DNPEP: variants seen among roughly 807,000 people sequenced by gnomAD.
DNPEP encodes the protein aspartyl aminopeptidase.
In DNPEP, 46 loss-of-function variants were observed where a neutral mutation model predicts 59.1. That is an observed-to-expected ratio of 0.78 (90% CI 0.61 to 0.99). The LOEUF (loss-of-function observed/expected upper bound fraction) is 0.99. Among genes scored for constraint, DNPEP ranks in the 50% least tolerant of loss-of-function variants. The pLI is 0.00. For missense variants in DNPEP, 617 were observed against 649.9 expected, an observed-to-expected ratio of 0.95 and a Z score of 0.55; for synonymous variants, 229 against 242.2, an observed-to-expected ratio of 0.95 and a Z score of 0.50.
chr2:219,381,799 AG>A, intron 11 of DNPEP, 179 bp downstream of exon 11: 1 of 852,806 alleles, frequency 1.2e-6, no homozygotes, highest in South Asian at 1.6e-5. Flanking sequence ...CACCTGGGTT[AG>A]GCATTGCATG....
In DNPEP at chr2:219,387,098, G is replaced by A. The variant is rs1188348299; in HGVS notation, c.102C>T (p.Phe34=). The part of the protein sequence containing the change: ...VQTAAKELLK[F]VNRSPSPFHA... ...GGAAAGGAGAGGGACTCCGGTTCAC[G>A]AACTTGAGGAGTTCCTTAGCCGCAG... The change falls in exon 2 of 15, where the codon TTC becomes TTT. Residue 34 remains phenylalanine (F), a synonymous_variant. Coordinates refer to ENST00000273075, the MANE Select transcript of DNPEP (RefSeq NM_012100.4). 8 of 1,590,572 alleles carry A rather than the reference G, an allele frequency of 5.0e-6. No individual in the cohort carries two copies. Among genetic ancestry groups the A allele is most frequent in the South Asian group, 2.3e-5 (2 of 88,662 alleles).
intron 1 of DNPEP, among the ~76,000 whole-genome samples, chr2:219,395,409 C>G (rs986400539): frequency 1.3e-5 from 2 of 152,206 alleles, no homozygotes; most frequent in East Asian, 1.9e-4. Flanking sequence ...AACAAAGCGC[C>G]TTGATCCCCT....
At chr2:219,382,553 G>A (rs1489774038) in intron 10 of DNPEP, among the ~76,000 whole-genome samples, 1 of 152,194 alleles carries the variant, frequency 6.6e-6, no homozygotes, top group Non-Finnish European at 1.5e-5. Context: ...GCTAAGTTCT[G>A]TGGAATGTAA....
At chr2:219,384,510 A>G in intron 8 of DNPEP, 67 bp from the exon 9 acceptor site, 1 of 1,397,674 alleles carries the variant, frequency 7.2e-7, no homozygotes, top group Admixed American at 1.9e-5. Flanking sequence ...TTTTGCTCCC[A>G]AGGGTCTCCT....
At chr2:219,395,366 C>G (rs967605664) in intron 1 of DNPEP, among the ~76,000 whole-genome samples, 4 of 152,230 alleles carry the variant, frequency 2.6e-5, no homozygotes, top group Non-Finnish European at 5.9e-5. Context: ...TGCTCCCTAA[C>G]AACCTCTACC....
chr2:219,398,929 C>T (rs899786422), intron 1 of DNPEP, among the ~76,000 whole-genome samples: 1 of 152,232 alleles, frequency 6.6e-6, no homozygotes, highest in Admixed American at 6.5e-5. Flanking sequence ...GCATTTCTGG[C>T]TCTCAACCTG....
upstream of DNPEP, among the ~76,000 whole-genome samples, chr2:219,390,780 A>C (rs1954004171): frequency 6.6e-6 from 1 of 152,250 alleles, no homozygotes; most frequent in African/African-American, 2.4e-5. Context: ...CAGTGAGCCG[A>C]GATCGTGCCA....
At chr2:219,395,537 A>G (rs1427218102) in intron 1 of DNPEP, among the ~76,000 whole-genome samples, 1 of 152,220 alleles carries the variant, frequency 6.6e-6, no homozygotes, top group Non-Finnish European at 1.5e-5. Context: ...CATCAAGTAT[A>G]TCTGCCATTC....
At chr2:219,385,027 C>T (rs1047472721) in intron 8 of DNPEP, 1 of 183,144 alleles carries the variant, frequency 5.5e-6, no homozygotes, top group East Asian at 1.5e-4. Context: ...AAACTTAGTA[C>T]GTGTTCAAGC....
chr2:219,396,978 T>C (rs1046191923), intron 1 of DNPEP, among the ~76,000 whole-genome samples: 2 of 152,196 alleles, frequency 1.3e-5, no homozygotes, highest in African/African-American at 4.8e-5. Context: ...TATAGGAAAG[T>C]GCTGGTTACT....
upstream of DNPEP, among the ~76,000 whole-genome samples, chr2:219,389,753 A>G (rs865787292): frequency 1.7e-4 from 26 of 151,646 alleles, no homozygotes; most frequent in Middle Eastern, 3.4e-3. Flanking sequence ...GAATCGCTTG[A>G]ACCCGGGAGG....
intron 1 of DNPEP, among the ~76,000 whole-genome samples, chr2:219,397,224 C>T (rs115764292): frequency 0.019 from 2,902 of 151,350 alleles, 111 homozygotes; most frequent in African/African-American, 0.066. Context: ...CTCCCACCCC[C>T]GTCTCTTTCC....
chr2:219,388,597 G>T, upstream of DNPEP: 1 of 691,908 alleles, frequency 1.4e-6, no homozygotes, highest in Non-Finnish European at 1.8e-6. Flanking sequence ...CGCAGCCGCC[G>T]CCAGGGCCCT....
chr2:219,379,132 G>C (rs1953487323), intron 13 of DNPEP, among the ~76,000 whole-genome samples: 1 of 152,036 alleles, frequency 6.6e-6, no homozygotes, highest in Non-Finnish European at 1.5e-5. Flanking sequence ...TGGCCAGCTG[G>C]TTTTGAACTC....
intron 1 of DNPEP, among the ~76,000 whole-genome samples, chr2:219,398,816 C>T (rs1954139467): frequency 6.6e-6 from 1 of 152,224 alleles, no homozygotes; most frequent in African/African-American, 2.4e-5. Context: ...GTAATGTCTG[C>T]CCTTGCAGGC....
chr2:219,389,510 C>T (rs1384948676), upstream of DNPEP, among the ~76,000 whole-genome samples: 1 of 152,130 alleles, frequency 6.6e-6, no homozygotes, highest in African/African-American at 2.4e-5. Flanking sequence ...GGCTTAAATT[C>T]ATGGCATTCC....
upstream of DNPEP, among the ~76,000 whole-genome samples, chr2:219,393,067 C>T (rs1040749004): frequency 3.3e-5 from 5 of 152,120 alleles, no homozygotes; most frequent in East Asian, 1.9e-4. Context: ...CAGTGGTGTC[C>T]GGTCTTTTGG....
In DNPEP at chr2:219,373,365, G is replaced by A. The variant is rs947168325; in HGVS notation, c.*927C>T. On this transcript the variant is annotated 3_prime_UTR_variant, in exon 15 of 15. Transcript: ENST00000273075. ...CTACAGGCATGACCCATCACGCCTG[G>A]CCTTTTTTCTCTGAGACAGAGCCTT... 6.6e-6 allele frequency among the ~76,000 whole-genome samples: 1 copy of A among 151,592 alleles called. No individual in the cohort carries two copies. Among genetic ancestry groups the A allele is most frequent in the Non-Finnish European group, 1.5e-5 (1 of 67,926 alleles).
At chr2:219,385,760 G>T (rs750705119) in intron 6 of DNPEP, 54 bp from the exon 7 acceptor site, 1 of 1,503,326 alleles carries the variant, frequency 6.7e-7, no homozygotes, top group South Asian at 1.2e-5. Flanking sequence ...AGCTGAGTGC[G>T]GCATCCATAA....
Sources: gnomAD v4.1 joint callset for allele counts (sites outside exome capture counted in the v4.1 genomes callset) on GRCh38, gnomAD v4.1.1 for gene constraint, MANE v1.5 for transcripts, NCBI Gene and HGNC (gene_info 2026-07-23, HGNC 2026-07-21) for gene names.